Variants in LY96 observed in about 807,000 individuals in gnomAD.
LY96 encodes myeloid differentiation protein-2.
Under a neutral mutation model 18.9 loss-of-function variants are expected in LY96, and 18 were observed. That is an observed-to-expected ratio of 0.95 (90% CI 0.66 to 1.41). The LOEUF (loss-of-function observed/expected upper bound fraction) is 1.41, where lower values mean the gene tolerates loss of function less well. Ranked by LOEUF, LY96 falls within the 40% of genes most tolerant of loss-of-function variation. The pLI is 0.00. For missense variants in LY96, 175 were observed against 182.4 expected, an observed-to-expected ratio of 0.96 and a Z score of 0.23; for synonymous variants, 66 against 62.6, an observed-to-expected ratio of 1.06 and a Z score of -0.26.
At chr8:74,092,415 G>A in the LY96 span, among the ~76,000 whole-genome samples, 5 of 152,104 alleles carry the variant, frequency 3.3e-5, no homozygotes, top group African/African-American at 9.7e-5. Flanking sequence ...ATTGGCCCCC[G>A]AGGGACACTC....
At chr8:74,013,386 G>A (rs1324964383) in intron 3 of LY96, among the ~76,000 whole-genome samples, 5 of 152,012 alleles carry the variant, frequency 3.3e-5, no homozygotes, top group Non-Finnish European at 1.5e-5. Flanking sequence ...GCCTCCCAAA[G>A]TGCCTCCCAA....
At chr8:74,074,165 T>A in the LY96 span, among the ~76,000 whole-genome samples, 2 of 151,798 alleles carry the variant, frequency 1.3e-5, no homozygotes, top group East Asian at 3.9e-4. Flanking sequence ...GTTCAGCTAA[T>A]GTTTTTGTAG....
At chr8:74,049,875 C>T in the LY96 span, among the ~76,000 whole-genome samples, 7 of 152,208 alleles carry the variant, frequency 4.6e-5, no homozygotes, top group Middle Eastern at 3.4e-3. Flanking sequence ...TGGTGGAGCC[C>T]GGCATCGTGG....
the LY96 span, among the ~76,000 whole-genome samples, chr8:74,038,847 T>C: frequency 6.6e-6 from 1 of 152,268 alleles, no homozygotes; most frequent in South Asian, 2.1e-4. Context: ...ATCTTTCTGA[T>C]ATACTGATTT....
At chr8:74,013,830 G>A (rs573438853) in intron 3 of LY96, among the ~76,000 whole-genome samples, 1 of 152,248 alleles carries the variant, frequency 6.6e-6, no homozygotes, top group South Asian at 2.1e-4. Flanking sequence ...TGCTGGAGAT[G>A]AGCCTAGAAA....
the LY96 span, among the ~76,000 whole-genome samples, chr8:74,094,280 T>C: frequency 6.6e-6 from 1 of 152,032 alleles, no homozygotes; most frequent in Non-Finnish European, 1.5e-5. Flanking sequence ...TGTGTCTGTG[T>C]GTGTAGCTCA....
chr8:74,097,827 G>A, the LY96 span, among the ~76,000 whole-genome samples: 1 of 152,140 alleles, frequency 6.6e-6, no homozygotes, highest in Non-Finnish European at 1.5e-5. Flanking sequence ...AATACCTAGG[G>A]GCTTGTTATA....
chr8:74,004,851 A>C lies in LY96; in HGVS notation c.168A>C (p.Arg56Ser), dbSNP rs761965511. The change falls in exon 2 of 5, where the codon AGA becomes AGC. Residue 56 changes from arginine to serine, a missense_variant. By Grantham distance (110) the Arg-to-Ser change is moderately radical. Transcript: ENST00000284818. ...INVNPCIELK[R>S]SKGLLHIFYI... ...TTAACCCCTGTATAGAATTGAAAAG[A>C]TCCAAAGGATTATTGCACATTTTCT... 2 of 1,591,564 alleles carry C rather than the reference A, an allele frequency of 1.3e-6. No homozygotes were observed. Among genetic ancestry groups the C allele is most frequent in the Admixed American group, 3.4e-5 (2 of 59,482 alleles).
At chr8:73,998,440 C>G (rs772849362) in intron 1 of LY96, among the ~76,000 whole-genome samples, 4 of 151,782 alleles carry the variant, frequency 2.6e-5, no homozygotes, top group Non-Finnish European at 5.9e-5. Context: ...CTTTGAGAGG[C>G]TGAAGTGAGA....
chr8:74,014,154 A>T (rs1816589755), intron 3 of LY96, among the ~76,000 whole-genome samples: 1 of 151,294 alleles, frequency 6.6e-6, no homozygotes, highest in Admixed American at 6.6e-5. Context: ...TAAAATCAAG[A>T]CCCTCTTGGG....
chr8:74,046,980 C>A, the LY96 span, among the ~76,000 whole-genome samples: 41 of 148,486 alleles, frequency 2.8e-4, no homozygotes, highest in Middle Eastern at 3.6e-3. Flanking sequence ...TGGCTCATTG[C>A]AACCTCCATT....
the LY96 span, among the ~76,000 whole-genome samples, chr8:74,076,450 A>G: frequency 6.6e-6 from 1 of 151,610 alleles, no homozygotes; most frequent in Admixed American, 6.6e-5. Flanking sequence ...CAGCCTCCCT[A>G]GTAGCTGGGA....
intron 3 of LY96, among the ~76,000 whole-genome samples, chr8:74,017,877 G>C (rs1816676668): frequency 2.0e-5 from 3 of 152,156 alleles, no homozygotes; most frequent in African/African-American, 7.2e-5. Flanking sequence ...CACCAGGCCT[G>C]CCTTACAAGA....
At chr8:74,067,522 TTTG>T in the LY96 span, among the ~76,000 whole-genome samples, 1 of 151,586 alleles carries the variant, frequency 6.6e-6, no homozygotes, top group African/African-American at 2.4e-5. Flanking sequence ...ATGTGTTTTT[TTTG>T]TTGTTGTTGT....
At chr8:74,086,108 G>A in the LY96 span, among the ~76,000 whole-genome samples, 1 of 152,086 alleles carries the variant, frequency 6.6e-6, no homozygotes, top group South Asian at 2.1e-4. Context: ...AACTTTTTTA[G>A]ATCCCACATA....
chr8:73,996,377 CTTTCTTTCTTT>C lies in LY96; in HGVS notation c.112+4824_112+4834del, dbSNP rs1563707894. Among the ~76,000 whole-genome samples the C allele has an allele frequency of 3.3e-3, 99 of 30,234 alleles. 1 individual carries two copies. The highest frequency in any genetic ancestry group is 0.034 in the Middle Eastern group (2 of 58). 19.8% of individuals were successfully genotyped at this position (30,234 alleles called of 152,430 possible). A position where few individuals can be genotyped will look rare whatever the true frequency, so the allele number is the denominator to read the frequency against. On this transcript the variant is annotated intron_variant, in intron 1 of 4. Transcript: ENST00000284818. ...CCTTCCTTCCTTCCTTCATTCCTTT[CTTTCTTTCTTT>C]CTTTCTTTCTTTCTTTCTTTCTTTC...
At chr8:74,006,121 C>G (rs1816404502) in intron 2 of LY96, among the ~76,000 whole-genome samples, 1 of 152,140 alleles carries the variant, frequency 6.6e-6, no homozygotes, top group Non-Finnish European at 1.5e-5. Flanking sequence ...TTCATTTATT[C>G]ACTAAAAAGA....
At chr8:74,025,509 G>A (rs1328925462) in intron 3 of LY96, among the ~76,000 whole-genome samples, 5 of 151,344 alleles carry the variant, frequency 3.3e-5, no homozygotes, top group South Asian at 2.1e-4. Context: ...ACAAAAATTC[G>A]CCAGGCGTAG....
Position 74,011,099 on chromosome 8 carries a change from T to A in LY96, c.331+970T>A, listed in dbSNP as rs143204813. 3.2e-3 allele frequency among the ~76,000 whole-genome samples: 491 copies of A among 152,288 alleles called. 3 individuals carry two copies. The highest frequency in any genetic ancestry group is 0.011 in the African/African-American group (471 of 41,564). Reference sequence around the variant, plus strand: ...TATTGAACCTAATTTGAGCAAATCGTGATTTACGTTCTGGTTATCTGAAGT... The same window carrying A: ...TATTGAACCTAATTTGAGCAAATCGAGATTTACGTTCTGGTTATCTGAAGT... On this transcript the variant is annotated intron_variant, in intron 3 of 4. Transcript: ENST00000284818.
Sources: gnomAD v4.1 joint callset for allele counts (sites outside exome capture counted in the v4.1 genomes callset) on GRCh38, gnomAD v4.1.1 for gene constraint, MANE v1.5 for transcripts, NCBI Gene and HGNC (gene_info 2026-07-23, HGNC 2026-07-21) for gene names.